Variants in GPC6 observed in about 807,000 individuals in gnomAD.
GPC6 encodes the protein glypican-6.
Under a neutral mutation model 55.2 loss-of-function variants are expected in GPC6, and 14 were observed. That is an observed-to-expected ratio of 0.25 (90% CI 0.17 to 0.40). GPC6 has a LOEUF of 0.40. GPC6 is among the 10% of genes least tolerant of loss of function. The probability of loss-of-function intolerance (pLI) is 1.00; values close to 1 mark genes in which losing one functional copy is unlikely to be tolerated. For missense variants in GPC6, 641 were observed against 708.5 expected (o/e 0.90, Z 1.08); for synonymous variants, 278 against 259.6 (o/e 1.07, Z -0.68).
intron 1 of GPC6, among the ~76,000 whole-genome samples, chr13:93,542,161 A>G (rs1276942428): frequency 6.6e-6 from 1 of 152,152 alleles, no homozygotes; most frequent in Non-Finnish European, 1.5e-5. Context: ...TTTTAGGTCT[A>G]ACGTTTAAGT....
chr13:93,954,874 C>T (rs920198451), intron 3 of GPC6, among the ~76,000 whole-genome samples: 1 of 152,166 alleles, frequency 6.6e-6, no homozygotes. Context: ...AAGGCCATCT[C>T]CTTTAATATC....
At chr13:94,169,786 A>G (rs1888495909) in intron 4 of GPC6, among the ~76,000 whole-genome samples, 1 of 152,170 alleles carries the variant, frequency 6.6e-6, no homozygotes, top group Non-Finnish European at 1.5e-5. Flanking sequence ...AGAGAACGTC[A>G]CAGAGAGAAC....
chr13:93,322,547 C>T (rs1218262837), intron 1 of GPC6, among the ~76,000 whole-genome samples: 1 of 149,816 alleles, frequency 6.7e-6, no homozygotes, highest in Non-Finnish European at 1.5e-5. Context: ...AGCGATTCTC[C>T]TGCCTCAGCC....
In GPC6 at chr13:94,324,311, T is replaced by TAAAAA. The variant is rs76342753; in HGVS notation, c.1152+18203_1152+18207dup. Among the ~76,000 whole-genome samples, 3 of 107,254 alleles carry TAAAAA rather than the reference T, an allele frequency of 2.8e-5. No individual in the cohort carries two copies. The East Asian group carries it at 7.3e-4, about 26-fold the overall frequency. 70.4% of individuals were successfully genotyped at this position (107,254 alleles called of 152,430 possible). A position where few individuals can be genotyped will look rare whatever the true frequency, so the allele number is the denominator to read the frequency against. ...CACCGAGGACCATCTATGAAAGCCT[T>TAAAAA]AAAAAAAAAAAAAAAAAAACTCAAG... On this transcript the variant is annotated intron_variant, in intron 6 of 8. Transcript: ENST00000377047.
At chr13:93,696,551 T>TA (rs1566491667) in intron 2 of GPC6, among the ~76,000 whole-genome samples, 8 of 151,448 alleles carry the variant, frequency 5.3e-5, no homozygotes, top group Non-Finnish European at 1.2e-4. Flanking sequence ...CCTTTTTTTT[T>TA]TAAAAAACAA....
At chr13:94,125,678 A>G (rs190214424) in intron 4 of GPC6, among the ~76,000 whole-genome samples, 2 of 150,886 alleles carry the variant, frequency 1.3e-5, no homozygotes, top group East Asian at 2.0e-4. Flanking sequence ...GACTCATGTT[A>G]TGTCTCTCAG....
At chr13:94,086,860 G>A (rs1188074547) in intron 4 of GPC6, among the ~76,000 whole-genome samples, 3 of 152,060 alleles carry the variant, frequency 2.0e-5, no homozygotes, top group East Asian at 1.9e-4. Flanking sequence ...AGTTTTTCTC[G>A]TGAACAATTC....
chr13:94,190,487 A>G (rs558471597), intron 4 of GPC6, among the ~76,000 whole-genome samples: 17 of 152,164 alleles, frequency 1.1e-4, no homozygotes, highest in Non-Finnish European at 2.4e-4. Context: ...GATGACAAAG[A>G]AAGACTAAGG....
intron 4 of GPC6, among the ~76,000 whole-genome samples, chr13:94,109,057 T>G (rs1341164400): frequency 6.6e-6 from 1 of 151,286 alleles, no homozygotes; most frequent in Non-Finnish European, 1.5e-5. Context: ...ACTACAGTGT[T>G]TCTCCTCTAA....
chr13:93,393,127 T>TAGAGAGAG lies in GPC6; in HGVS notation c.161-152111_161-152104dup, dbSNP rs144440794. ...TATTTGATATATATATATATATATA[T>TAGAGAGAG]AGAGAGAGAGAGAGAGAGAGAGAGA... On this transcript the variant is annotated intron_variant, in intron 1 of 8. Transcript: ENST00000377047. Among the ~76,000 whole-genome samples the TAGAGAGAG allele has an allele frequency of 4.8e-4, 42 of 87,620 alleles. No individual in the cohort carries two copies. In the East Asian group the frequency reaches 5.9e-3, roughly 12 times the overall value. The allele number at this position is 87,620 out of a possible 152,430, so 57.5% of individuals were successfully genotyped here. A position where few individuals can be genotyped will look rare whatever the true frequency, so the allele number is the denominator to read the frequency against.
chr13:93,464,770 G>A (rs1464785079), intron 1 of GPC6, among the ~76,000 whole-genome samples: 1 of 152,178 alleles, frequency 6.6e-6, no homozygotes, highest in African/African-American at 2.4e-5. Context: ...CATCTGGAAT[G>A]GTGAATCATT....
At chr13:93,765,308 T>TCCCAGATAAGCTGTCTGGAA in intron 2 of GPC6, among the ~76,000 whole-genome samples, 1 of 148,686 alleles carries the variant, frequency 6.7e-6, no homozygotes, top group East Asian at 2.0e-4. Context: ...AAAGACAACT[T>TCCCAGATAAGCTGTCTGGAA]ATTTGGTTTA....
intron 2 of GPC6, among the ~76,000 whole-genome samples, chr13:93,809,506 A>G (rs886461217): frequency 7.2e-5 from 11 of 152,160 alleles, no homozygotes; most frequent in African/African-American, 2.7e-4. Context: ...CATAAGCAAG[A>G]CACCCTTCCT....
intron 2 of GPC6, among the ~76,000 whole-genome samples, chr13:93,618,267 A>G (rs1419758775): frequency 1.3e-5 from 2 of 152,130 alleles, no homozygotes; most frequent in African/African-American, 4.8e-5. Flanking sequence ...AAAAATATAT[A>G]CATGTGCAAG....
rs114683796 is a variant in GPC6, at chr13:93,519,890, A to G, written c.161-25373A>G. Among the ~76,000 whole-genome samples, 1,377 of 152,152 alleles carry G rather than the reference A, an allele frequency of 9.1e-3. 20 individuals are homozygous for G. Among genetic ancestry groups the G allele is most frequent in the African/African-American group, 0.031 (1,298 of 41,550 alleles). On this transcript the variant is annotated intron_variant, in intron 1 of 8. Coordinates refer to ENST00000377047, the MANE Select transcript of GPC6 (RefSeq NM_005708.5). ...AAAGAATGCTTTGCTATGGTTTTTT[A>G]TAAAAACTGAAACGAATTTTGTCAT...
At chr13:94,219,434 C>G (rs1412559852) in intron 4 of GPC6, among the ~76,000 whole-genome samples, 1 of 152,154 alleles carries the variant, frequency 6.6e-6, no homozygotes, top group Non-Finnish European at 1.5e-5. Flanking sequence ...CAACTTTTCC[C>G]CATCATTCTG....
At chr13:94,292,609 CTCTCTTATGTA>C (rs1438713519) in intron 5 of GPC6, among the ~76,000 whole-genome samples, 8 of 151,926 alleles carry the variant, frequency 5.3e-5, no homozygotes, top group Admixed American at 3.3e-4. Flanking sequence ...TATCTTTTTT[CTCTCTTATGTA>C]TCTCTTATGT....
chr13:93,535,334 T>C (rs1256673095), intron 1 of GPC6, among the ~76,000 whole-genome samples: 5 of 152,122 alleles, frequency 3.3e-5, no homozygotes, highest in Non-Finnish European at 7.4e-5. Flanking sequence ...CTGCTGAGAA[T>C]AGGAATTCTT....
At chr13:94,317,029 C>T (rs531843834) in intron 6 of GPC6, among the ~76,000 whole-genome samples, 33 of 152,190 alleles carry the variant, frequency 2.2e-4, no homozygotes, top group Admixed American at 4.6e-4. Context: ...AATTTCTGAA[C>T]AGCCTTCATC....
Sources: allele counts gnomAD v4.1 joint callset (sites outside exome capture counted in the v4.1 genomes callset), GRCh38; gene constraint gnomAD v4.1.1; transcripts MANE v1.5; gene names NCBI Gene and HGNC (gene_info 2026-07-23, HGNC 2026-07-21).